NEXMIF: variants seen among roughly 807,000 people sequenced by gnomAD.
NEXMIF encodes XLMR protein related to neurite extension.
Under a neutral mutation model 62.1 loss-of-function variants are expected in NEXMIF, and 8 were observed. The observed-to-expected ratio is 0.13, with a 90% CI of 0.08 to 0.23. NEXMIF has a LOEUF of 0.23. Among genes scored for constraint, NEXMIF ranks in the 10% least tolerant of loss-of-function variants. The pLI, the probability that NEXMIF is intolerant of heterozygous loss-of-function variation, is 1.00. For synonymous variants in NEXMIF, 404 were observed against 416.6 expected (o/e 0.97, Z 0.37); for missense variants, 976 against 1,113.3 (o/e 0.88, Z 1.75).
Position 74,733,064 on chromosome X carries a change from T to C in NEXMIF, c.*6341A>G, listed in dbSNP as rs2080076272. 1 of 111,882 alleles carries C rather than the reference T, an allele frequency of 8.9e-6. No homozygotes were observed. The highest frequency in any genetic ancestry group is 1.9e-5 in the Non-Finnish European group (1 of 53,168). The allele number at this position is 111,882 out of a possible 1,213,427, so 9.2% of individuals were successfully genotyped here. A position where few individuals can be genotyped will look rare whatever the true frequency, so the allele number is the denominator to read the frequency against. ...CTCTAGCCCAGTGCTTCTCAAACTT[T>C]AACATGCACACAAAACACCTAGGGA... On this transcript the variant is annotated 3_prime_UTR_variant, in exon 4 of 4. Transcript: ENST00000055682.
chrX:74,906,293 A>G (rs1321365050), intron 1 of NEXMIF, among the ~76,000 whole-genome samples: 4 of 110,085 alleles, frequency 3.6e-5, no homozygotes, highest in African/African-American at 9.9e-5. Flanking sequence ...AAAAAGGAAA[A>G]GAAAAGAGAA....
chrX:74,821,680 G>A (rs971489214), intron 1 of NEXMIF, among the ~76,000 whole-genome samples: 5 of 111,884 alleles, frequency 4.5e-5, no homozygotes, highest in South Asian at 7.4e-4. Flanking sequence ...CAAGGACAGA[G>A]GAATAATAAA....
chrX:74,814,989 G>A (rs949399591), intron 1 of NEXMIF, among the ~76,000 whole-genome samples: 2 of 111,778 alleles, frequency 1.8e-5, no homozygotes, highest in East Asian at 2.8e-4. Context: ...CACTAATCAG[G>A]AAGAGTCAAT....
chrX:74,793,187 T>A lies in NEXMIF; in HGVS notation c.-47-47490A>T, dbSNP rs1174493245. 3.6e-5 allele frequency among the ~76,000 whole-genome samples: 4 copies of A among 110,960 alleles called. No individual in the cohort carries two copies. The East Asian group carries it at 8.5e-4, about 24-fold the overall frequency. ...GCAGGCCTGGTGGTGACAAAATCTC[T>A]CAGCATTTGCTTGTCTGTAAAGTAT... On this transcript the variant is annotated intron_variant, in intron 1 of 3. Coordinates refer to ENST00000055682, the MANE Select transcript of NEXMIF (RefSeq NM_001008537.3).
intron 1 of NEXMIF, among the ~76,000 whole-genome samples, chrX:74,883,537 A>G (rs942893124): frequency 1.8e-5 from 2 of 112,190 alleles, no homozygotes; most frequent in African/African-American, 3.2e-5. Flanking sequence ...ACTGAAAGAA[A>G]GGGTATCAGC....
intron 1 of NEXMIF, among the ~76,000 whole-genome samples, chrX:74,799,734 G>T (rs1252489709): frequency 8.9e-6 from 1 of 111,759 alleles, no homozygotes; most frequent in Non-Finnish European, 1.9e-5. Flanking sequence ...GGGCTCAAGG[G>T]ATACTCCTGC....
Position 74,741,657 on chromosome X carries a change from C to A in NEXMIF, c.2900G>T (p.Cys967Phe), listed in dbSNP as rs1031398816. 1.7e-6 allele frequency: 2 copies of A among 1,211,714 alleles called. No individual in the cohort carries two copies. Among genetic ancestry groups the A allele is most frequent in the Non-Finnish European group, 2.2e-6 (2 of 895,363 alleles). Residue 967 changes from cysteine (C) to phenylalanine (F), a missense_variant, in exon 3 of 4, where the codon TGT (cysteine) becomes TTT (phenylalanine). By Grantham distance (205) the Cys-to-Phe change is radical. Around this residue, in one of 5 missense-constraint regions of NEXMIF, gnomAD observed 639 missense variants for 694.5 expected, o/e 0.92. Coordinates refer to ENST00000055682, the MANE Select transcript of NEXMIF (RefSeq NM_001008537.3). ...QLPSDDSYQL[C>F]HFNNGEICFP... ...GCAGATCTCTCCATTATTAAAGTGA[C>A]ATAATTGGTAAGAGTCATCAGATGG...
At chrX:74,904,054 G>A (rs991380961) in intron 1 of NEXMIF, among the ~76,000 whole-genome samples, 27 of 110,548 alleles carry the variant, frequency 2.4e-4, no homozygotes, top group Non-Finnish European at 1.3e-4. Flanking sequence ...CTCACTCCAT[G>A]GACTGGGGAA....
intron 1 of NEXMIF, among the ~76,000 whole-genome samples, chrX:74,881,369 AACACACACACACACATACACATGC>A (rs1023223114): frequency 3.9e-5 from 3 of 75,995 alleles, no homozygotes; most frequent in African/African-American, 1.9e-4. Context: ...GATAAATTCC[AACACACACACACACATACACATGC>A]ACACACACAC....
At chrX:74,874,392 G>A (rs2080619240) in intron 1 of NEXMIF, among the ~76,000 whole-genome samples, 3 of 108,489 alleles carry the variant, frequency 2.8e-5, no homozygotes, top group South Asian at 4.1e-4. Context: ...TTTGGTTACT[G>A]TAGCCTTGTA....
At chrX:74,823,918 T>G (rs961561581) in intron 1 of NEXMIF, among the ~76,000 whole-genome samples, 8 of 111,660 alleles carry the variant, frequency 7.2e-5, no homozygotes, top group Non-Finnish European at 7.5e-5. Context: ...AATTAAAAAT[T>G]AAAGGAAAAC....
At chrX:74,789,525 T>C (rs1164219100) in intron 1 of NEXMIF, among the ~76,000 whole-genome samples, 2 of 111,128 alleles carry the variant, frequency 1.8e-5, no homozygotes, top group Non-Finnish European at 3.8e-5. Context: ...GTATTTCCAG[T>C]TCTAGATCCC....
chrX:74,905,372 T>A (rs754118991), intron 1 of NEXMIF, among the ~76,000 whole-genome samples: 1 of 112,002 alleles, frequency 8.9e-6, no homozygotes, highest in East Asian at 2.8e-4. Context: ...TCTTAGTGCT[T>A]GCTTCTGAAA....
intron 1 of NEXMIF, among the ~76,000 whole-genome samples, chrX:74,809,386 G>T (rs1384765798): frequency 8.9e-6 from 1 of 112,206 alleles, no homozygotes; most frequent in African/African-American, 3.2e-5. Flanking sequence ...AATATGAGCT[G>T]CAATCTGTCA....
Position 74,741,096 on chromosome X carries a change from G to C in NEXMIF, c.3461C>G (p.Pro1154Arg). 1 of 1,211,424 alleles carries C rather than the reference G, an allele frequency of 8.3e-7. No individual in the cohort carries two copies. Among genetic ancestry groups the C allele is most frequent in the Non-Finnish European group, 1.1e-6 (1 of 895,270 alleles). Residue 1154 changes from proline to arginine, a missense_variant, in exon 3 of 4, where the codon CCT becomes CGT. This residue lies in a region of NEXMIF where 639 missense variants were observed against 694.5 expected (regional missense o/e 0.92). Transcript: ENST00000055682. ...EDSVSLLQKN[P>R]CLSTFNDPSG... is the part of the protein sequence containing the mutation. ...TGGATCATTAAATGTTGACAGGCAA[G>C]GGTTTTTTTGGAGCAGGCTGACAGA...
intron 1 of NEXMIF, among the ~76,000 whole-genome samples, chrX:74,835,953 C>T (rs976523310): frequency 2.0e-4 from 22 of 112,449 alleles, no homozygotes; most frequent in African/African-American, 7.1e-4. Flanking sequence ...TTCTATCCTA[C>T]TAAATAGATA....
At chrX:74,839,736 G>A (rs2080468138) in intron 1 of NEXMIF, among the ~76,000 whole-genome samples, 1 of 112,348 alleles carries the variant, frequency 8.9e-6, no homozygotes, top group African/African-American at 3.2e-5. Flanking sequence ...TCCCACAAAA[G>A]ACATGATCTT....
intron 1 of NEXMIF, among the ~76,000 whole-genome samples, chrX:74,799,825 A>T (rs1423679681): frequency 9.0e-6 from 1 of 111,593 alleles, no homozygotes; most frequent in Non-Finnish European, 1.9e-5. Flanking sequence ...AAAAGAGTCA[A>T]TTCATCAAGA....
intron 1 of NEXMIF, among the ~76,000 whole-genome samples, chrX:74,797,306 CTGAA>C (rs767514564): frequency 8.9e-6 from 1 of 111,755 alleles, no homozygotes; most frequent in South Asian, 3.7e-4. Flanking sequence ...CTGGTGAAAT[CTGAA>C]TGAAGTCTGG....
Sources: gnomAD v4.1 joint callset for allele counts (sites outside exome capture counted in the v4.1 genomes callset) on GRCh38, gnomAD v4.1.1 for gene constraint, gnomAD v4.1.1 regional missense constraint, MANE v1.5 for transcripts, NCBI Gene and HGNC (gene_info 2026-07-23, HGNC 2026-07-21) for gene names.